WNK2: variants seen among roughly 807,000 people sequenced by gnomAD.
The protein encoded by WNK2 is serine/threonine-protein kinase WNK2.
A neutral mutation model predicts 192.1 loss-of-function variants in WNK2; 67 were observed. The observed-to-expected ratio is 0.35, with a 90% confidence interval of 0.29 to 0.43. The LOEUF is 0.43. Among genes scored for constraint, WNK2 ranks in the 20% least tolerant of loss-of-function variants. WNK2 has a pLI of 1.00. For synonymous variants in WNK2, 1,439 were observed against 1,393.9 expected (o/e 1.03, Z -0.72); for missense variants, 2,698 against 3,089.7 (o/e 0.87, Z 3.01).
At chr9:93,306,215 G>A (rs766671260) in intron 26 of WNK2, among the ~76,000 whole-genome samples, 2 of 152,110 alleles carry the variant, frequency 1.3e-5, no homozygotes, top group African/African-American at 2.4e-5. Context: ...AGAAACCCTC[G>A]AGTCCCCTAC....
chr9:93,317,186 T>TG (rs1402780975), intron 28 of WNK2: 5 of 427,898 alleles, frequency 1.2e-5, no homozygotes, highest in Non-Finnish European at 4.3e-6. Context: ...GAGGGCTTTG[T>TG]GGTGGCTGAG....
chr9:93,317,714 C>T (rs1283158803), intron 29 of WNK2, 83 bp downstream of exon 29: 3 of 1,527,718 alleles, frequency 2.0e-6, no homozygotes, highest in African/African-American at 1.4e-5. Flanking sequence ...CTCCAGTGTC[C>T]TGGGGGCCCT....
chr9:93,197,666 G>A (rs746329803), intron 2 of WNK2, among the ~76,000 whole-genome samples: 1 of 152,064 alleles, frequency 6.6e-6, no homozygotes, highest in African/African-American at 2.4e-5. Context: ...GGATTTATAG[G>A]TGTACACCAC....
At position 93,185,719 on chromosome 9, in the gene WNK2, G is replaced by A. The variant is rs915080000; in HGVS notation, c.681+109G>A. 6.9e-6 allele frequency: 9 copies of A among 1,298,010 alleles called. No homozygotes were observed. In the African/African-American group the frequency reaches 1.3e-4, roughly 19 times the overall value. The allele number at this position is 1,298,010 out of a possible 1,614,324, so 80.4% of individuals were successfully genotyped here. A position where few individuals can be genotyped will look rare whatever the true frequency, so the allele number is the denominator to read the frequency against. On this transcript the variant is annotated intron_variant, in intron 2 of 29. Transcript: ENST00000427277. Reference sequence around the variant, plus strand: ...GGCCTTAAGAAGCCCTGGGGGCGGCGGGGCTCCATGTGTGTCACCCTCTGT... The same window carrying A: ...GGCCTTAAGAAGCCCTGGGGGCGGCAGGGCTCCATGTGTGTCACCCTCTGT...
Position 93,230,911 on chromosome 9 carries a change from T to C in WNK2, c.878T>C (p.Met293Thr). ...LKTYLKRFKV[M>T]KPKVLRSWCR... ...AGATACCTGAAGCGGTTCAAGGTGA[T>C]GAAGCCCAAGGTTCTCCGCAGCTGG... Residue 293 changes from methionine (M) to threonine (T), a missense_variant, in exon 4 of 30, where the codon ATG becomes ACG. Around this residue, in one of 7 missense-constraint regions of WNK2, gnomAD observed 230 missense variants for 501.1 expected, o/e 0.46. Transcript: ENST00000427277. 2 of 1,613,564 alleles carry C rather than the reference T, an allele frequency of 1.2e-6. No individual in the cohort carries two copies. Among genetic ancestry groups the C allele is most frequent in the African/African-American group, 1.3e-5 (1 of 75,034 alleles).
At chr9:93,217,535 C>A (rs1835968989) in intron 2 of WNK2, among the ~76,000 whole-genome samples, 1 of 152,170 alleles carries the variant, frequency 6.6e-6, no homozygotes, top group Non-Finnish European at 1.5e-5. Flanking sequence ...AAGGCTCTTG[C>A]CGCCAGTTCT....
At chr9:93,206,765 A>C (rs1022374728) in intron 2 of WNK2, among the ~76,000 whole-genome samples, 1 of 152,204 alleles carries the variant, frequency 6.6e-6, no homozygotes, top group African/African-American at 2.4e-5. Flanking sequence ...GAGGGCAGCC[A>C]GAATCCAGGC....
At chr9:93,240,317 G>A (rs1840541441) in intron 7 of WNK2, among the ~76,000 whole-genome samples, 2 of 152,170 alleles carry the variant, frequency 1.3e-5, no homozygotes, top group African/African-American at 2.4e-5. Flanking sequence ...TTGCTTTGCC[G>A]GACTCTTGCT....
At position 93,259,538 on chromosome 9, in the gene WNK2, C is replaced by T. The variant is rs368330463; in HGVS notation, c.2990C>T (p.Ala997Val). 1.8e-4 allele frequency: 286 copies of T among 1,593,930 alleles called. No homozygotes were observed. The highest frequency in any genetic ancestry group is 2.3e-4 in the Non-Finnish European group (276 of 1,176,428). The change falls in exon 12 of 30, where the codon GCA (alanine) becomes GTA (valine). Residue 997 changes from alanine to valine, a missense_variant. Transcript: ENST00000427277. This position sits in a 1 kb window ranked among gnomAD's most constrained non-coding sequence, Gnocchi z 4.8. Reference protein sequence around the residue: ...PPQPVLPPQPALPVRPEPLQP... With the variant: ...PPQPVLPPQPVLPVRPEPLQP... ...CAACCTGTGCTGCCCCCGCAGCCGG[C>T]ACTGCCTGTGCGCCCTGAGCCCCTC... is the stretch of plus-strand genomic sequence containing the variant.
intron 26 of WNK2, among the ~76,000 whole-genome samples, chr9:93,301,694 C>T (rs778117045): frequency 3.3e-5 from 5 of 152,202 alleles, no homozygotes; most frequent in African/African-American, 9.7e-5. Flanking sequence ...GCTCCTCTTC[C>T]GGCTCCTGCA....
At chr9:93,262,199 C>T (rs993835943) in intron 13 of WNK2, 92 bp downstream of exon 13, 30 of 1,439,998 alleles carry the variant, frequency 2.1e-5, no homozygotes, top group African/African-American at 2.9e-5. Context: ...TCCTAGAGGT[C>T]GGGGTTGCTT....
intron 2 of WNK2, among the ~76,000 whole-genome samples, chr9:93,197,890 G>T (rs1831568328): frequency 6.6e-6 from 1 of 152,142 alleles, no homozygotes; most frequent in Non-Finnish European, 1.5e-5. Flanking sequence ...GTGTAGGTCA[G>T]ATCCGGCTAG....
chr9:93,262,123 C>G lies in WNK2; in HGVS notation c.3360+16C>G, dbSNP rs1245746299. 2 of 1,561,138 alleles carry G rather than the reference C, an allele frequency of 1.3e-6. No homozygotes were observed. The highest frequency in any genetic ancestry group is 1.3e-5 in the African/African-American group (1 of 74,262). ...AGTCCAAGAGGTGTGTGCCCCTCCC[C>G]CCAGCCTGTCCCATGACTGGGCAGT... On this transcript the variant is annotated intron_variant, in intron 13 of 29. Coordinates refer to ENST00000427277, the MANE Select transcript of WNK2 (RefSeq NM_006648.4).
chr9:93,265,676 T>G (rs896290083), intron 16 of WNK2, among the ~76,000 whole-genome samples: 19 of 152,244 alleles, frequency 1.2e-4, no homozygotes, highest in Admixed American at 1.2e-3. Context: ...AGCATAATAA[T>G]AAAGTGAACA....
At chr9:93,194,734 T>TCCA (rs1388004029) in intron 2 of WNK2, among the ~76,000 whole-genome samples, 2 of 152,192 alleles carry the variant, frequency 1.3e-5, no homozygotes, top group Non-Finnish European at 2.9e-5. Context: ...AAAACTTAGG[T>TCCA]CCACACAAAA....
intron 7 of WNK2, among the ~76,000 whole-genome samples, chr9:93,240,579 C>T (rs542850313): frequency 8.5e-5 from 13 of 152,084 alleles, no homozygotes; most frequent in African/African-American, 2.9e-4. Flanking sequence ...TTGGAGGGGG[C>T]GCTGAGCCGA....
In WNK2 at chr9:93,267,858, G is replaced by T. The variant is rs1588312687; in HGVS notation, c.3809G>T (p.Gly1270Val). 6.2e-6 allele frequency: 10 copies of T among 1,611,202 alleles called. No individual in the cohort carries two copies. The highest frequency in any genetic ancestry group is 8.5e-6 in the Non-Finnish European group (10 of 1,178,982). Residue 1270 changes from glycine to valine, a missense_variant, in exon 17 of 30, where the codon GGC (glycine) becomes GTC (valine). Coordinates refer to ENST00000427277, the MANE Select transcript of WNK2 (RefSeq NM_006648.4). ...MLSEDTDADR[G>V]SDPGTSPPHL... ...AGCGAGGACACAGACGCCGACCGTG[G>T]CTCCGACCCAGGGACCAGCCCGCCA...
chr9:93,204,605 G>A (rs1200138515), intron 2 of WNK2, among the ~76,000 whole-genome samples: 1 of 152,246 alleles, frequency 6.6e-6, no homozygotes. Context: ...GCAGGGGTGG[G>A]GAAGGGTGCT....
At chr9:93,224,920 G>GACA in intron 2 of WNK2, among the ~76,000 whole-genome samples, 1 of 152,186 alleles carries the variant, frequency 6.6e-6, no homozygotes, top group Non-Finnish European at 1.5e-5. Flanking sequence ...TGTTGACTGT[G>GACA]AGCCTTCCTA....
Sources: allele counts gnomAD v4.1 joint callset (sites outside exome capture counted in the v4.1 genomes callset), GRCh38; gene constraint gnomAD v4.1.1; regional missense constraint gnomAD v4.1.1; non-coding constraint Gnocchi (gnomAD v3.1); transcripts MANE v1.5; gene names NCBI Gene and HGNC (gene_info 2026-07-23, HGNC 2026-07-21).